The following DNAI4 variants were observed in gnomAD, a reference collection of about 807,000 sequenced individuals.
The protein encoded by DNAI4 is dynein axonemal intermediate chain 4.
In DNAI4, 85 loss-of-function variants were observed where a neutral mutation model predicts 105.8. That is an observed-to-expected ratio of 0.80 (90% CI 0.67 to 0.96). The LOEUF (loss-of-function observed/expected upper bound fraction) is 0.96, where lower values mean the gene tolerates loss of function less well. Ranked by LOEUF, DNAI4 falls within the 40% of genes least tolerant of loss-of-function variation. DNAI4 has a pLI of 0.00. For missense variants in DNAI4, 1,014 were observed against 1,005.6 expected (o/e 1.01, Z -0.11); for synonymous variants, 352 against 331.5 (o/e 1.06, Z -0.67).
chr1:66,905,348 A>G lies in DNAI4; in HGVS notation c.198T>C (p.Ser66=). The change falls in exon 2 of 17, where the codon TCT becomes TCC. Residue 66 remains serine (S), a synonymous_variant. Transcript: ENST00000371026. ...GLNNATQPKK[S]ISFFATMKAT... ...CTTTCATTGTAGCAAAAAAGCTAAT[A>G]GACTTCTTTGGTTGTGTGGCATTGT... 1.3e-6 allele frequency: 2 copies of G among 1,509,474 alleles called. No individual in the cohort carries two copies. The highest frequency in any genetic ancestry group is 1.8e-6 in the Non-Finnish European group (2 of 1,114,722). 93.5% of individuals were successfully genotyped at this position (1,509,474 alleles called of 1,614,324 possible).
intron 7 of DNAI4, among the ~76,000 whole-genome samples, chr1:66,849,694 G>T (rs1236092267): frequency 6.6e-6 from 1 of 152,062 alleles, no homozygotes; most frequent in Non-Finnish European, 1.5e-5. Flanking sequence ...CAAAGGAATA[G>T]AAAGTCTTAG....
chr1:66,893,554 T>A (rs1225991696), intron 2 of DNAI4, 141 bp from the exon 3 acceptor site: 1 of 486,328 alleles, frequency 2.1e-6, no homozygotes, highest in Non-Finnish European at 3.3e-6. Flanking sequence ...AAAAATTGGA[T>A]GCTTTAAAAT....
chr1:66,900,405 A>G (rs1181450753), intron 2 of DNAI4, among the ~76,000 whole-genome samples: 1 of 152,076 alleles, frequency 6.6e-6, no homozygotes, highest in Non-Finnish European at 1.5e-5. Context: ...CTGGCCCCAT[A>G]TGAATTTTAG....
At chr1:66,836,697 GCTT>G (rs1410184173) in intron 10 of DNAI4, among the ~76,000 whole-genome samples, 15 of 152,114 alleles carry the variant, frequency 9.9e-5, no homozygotes, top group Non-Finnish European at 1.5e-5. Flanking sequence ...ATTTAAAATT[GCTT>G]CTTCTTTTCT....
intron 4 of DNAI4, among the ~76,000 whole-genome samples, chr1:66,876,838 C>A (rs1017148442): frequency 4.6e-5 from 7 of 152,146 alleles, no homozygotes. Context: ...CCTAAAGGTT[C>A]TTCCCAGAGG....
At chr1:66,816,014 A>G (rs1645507566) in intron 16 of DNAI4, among the ~76,000 whole-genome samples, 2 of 152,082 alleles carry the variant, frequency 1.3e-5, no homozygotes, top group South Asian at 4.1e-4. Context: ...ATGTCACTTA[A>G]TACCTCCAGA....
intron 6 of DNAI4, among the ~76,000 whole-genome samples, chr1:66,868,281 T>G (rs771897038): frequency 6.6e-6 from 1 of 152,238 alleles, no homozygotes; most frequent in Non-Finnish European, 1.5e-5. Context: ...CTACAAAATA[T>G]CCTCATATTT....
At chr1:66,906,596 G>A (rs1404588432) in intron 1 of DNAI4, among the ~76,000 whole-genome samples, 3 of 152,048 alleles carry the variant, frequency 2.0e-5, no homozygotes, top group African/African-American at 7.2e-5. Flanking sequence ...CAGGAACTTT[G>A]TCTTGTTCAC....
intron 15 of DNAI4, among the ~76,000 whole-genome samples, chr1:66,824,831 A>G (rs1160786632): frequency 6.6e-6 from 1 of 152,220 alleles, no homozygotes; most frequent in Non-Finnish European, 1.5e-5. Context: ...AAAGCTGATT[A>G]CCCTCCATAA....
In DNAI4 at chr1:66,816,727, TCACACACACACACACACACACACA is replaced by T. The variant is rs57920483; in HGVS notation, c.2497-2571_2497-2548del. Reference sequence around the variant, plus strand: ...AAAATTATTCTTACCAGCCTTGAAATCACACACACACACACACACACACACACACACACACACACACACACACAG... The same window carrying T: ...AAAATTATTCTTACCAGCCTTGAAATCACACACACACACACACACACACAG... On this transcript the variant is annotated intron_variant, in intron 16 of 16. Transcript: ENST00000371026. Among the ~76,000 whole-genome samples the T allele has an allele frequency of 1.8e-4, 25 of 137,768 alleles. No individual in the cohort carries two copies. The South Asian group carries it at 2.0e-3, about 11-fold the overall frequency. 90.4% of individuals were successfully genotyped at this position (137,768 alleles called of 152,430 possible).
Position 66,829,339 on chromosome 1 carries a change from A to G in DNAI4, c.2014-1429T>C, listed in dbSNP as rs548632098. ...TACCTACAAAAAAATTTAAGTATAA[A>G]GAGACAAATAGGTTAAAAGAAAAAG... On this transcript the variant is annotated intron_variant, in intron 13 of 16. Transcript: ENST00000371026. Among the ~76,000 whole-genome samples the G allele has an allele frequency of 9.2e-5, 14 of 152,308 alleles. No individual in the cohort carries two copies. The East Asian group carries it at 1.5e-3, about 17-fold the overall frequency.
chr1:66,827,019 G>T lies in DNAI4; in HGVS notation c.2140C>A (p.Pro714Thr), dbSNP rs775090672. The change falls in exon 15 of 17, where the codon CCA (proline) becomes ACA (threonine). Residue 714 changes from proline (P) to threonine (T), a missense_variant. Physicochemically the swap from Pro to Thr is conservative, Grantham distance 38. Transcript: ENST00000371026. ...KGPVYKVTWN[P>T]FCHDVFLSCS... ...CTTAAAAATACATCATGACAAAATG[G>T]ATTCCATGTCACTTTATACACTGGA... 4 of 1,613,716 alleles carry T rather than the reference G, an allele frequency of 2.5e-6. No individual in the cohort carries two copies. The highest frequency in any genetic ancestry group is 2.7e-5 in the African/African-American group (2 of 74,840).
intron 5 of DNAI4, 109 bp from the exon 6 acceptor site, chr1:66,871,618 C>A: frequency 1.7e-6 from 2 of 1,154,770 alleles, no homozygotes; most frequent in Non-Finnish European, 2.4e-6. Context: ...GTGGCTTGCA[C>A]CAAAAAGTGA....
At chr1:66,893,121 G>GAAAGAAAGAAAGAAAT in intron 3 of DNAI4, 108 bp downstream of exon 3, 1 of 527,666 alleles carries the variant, frequency 1.9e-6, no homozygotes, top group Non-Finnish European at 3.1e-6. Context: ...AAGAAAGAAA[G>GAAAGAAAGAAAGAAAT]AAACTGGGAG....
At chr1:66,827,729 G>T in intron 14 of DNAI4, 83 bp downstream of exon 14, 2 of 660,868 alleles carry the variant, frequency 3.0e-6, no homozygotes. Flanking sequence ...TAAATTTATT[G>T]CATATTACAT....
intron 6 of DNAI4, among the ~76,000 whole-genome samples, chr1:66,863,226 C>T (rs750298876): frequency 5.9e-5 from 9 of 152,218 alleles, no homozygotes; most frequent in Admixed American, 4.6e-4. Context: ...ATTTTATCAG[C>T]GATCATGTAA....
chr1:66,885,986 T>C (rs1388598824), intron 4 of DNAI4, among the ~76,000 whole-genome samples: 1 of 152,234 alleles, frequency 6.6e-6, no homozygotes, highest in East Asian at 1.9e-4. Context: ...ATTGTGCATA[T>C]GTTACGCCTT....
At chr1:66,902,200 T>C (rs913603047) in intron 2 of DNAI4, among the ~76,000 whole-genome samples, 1 of 152,204 alleles carries the variant, frequency 6.6e-6, no homozygotes, top group Non-Finnish European at 1.5e-5. Context: ...AGGGTTTCAA[T>C]TCCTCCATGT....
chr1:66,819,454 T>C (rs1372495608), intron 16 of DNAI4, among the ~76,000 whole-genome samples: 3 of 152,180 alleles, frequency 2.0e-5, no homozygotes, highest in Admixed American at 1.3e-4. Flanking sequence ...TATAGTTTCT[T>C]GAATATCTAT....
Sources: allele counts gnomAD v4.1 joint callset (sites outside exome capture counted in the v4.1 genomes callset), GRCh38; gene constraint gnomAD v4.1.1; transcripts MANE v1.5; gene names NCBI Gene and HGNC (gene_info 2026-07-23, HGNC 2026-07-21).